The following RFX3 variants were observed in gnomAD, a reference collection of about 807,000 sequenced individuals.
RFX3 encodes transcription factor RFX3.
In RFX3, 14 loss-of-function variants were observed where a neutral mutation model predicts 98.6. The observed-to-expected ratio is 0.14, with a 90% confidence interval of 0.09 to 0.22. The LOEUF (loss-of-function observed/expected upper bound fraction) is 0.22. RFX3 is among the 10% of genes least tolerant of loss of function. The pLI is 1.00. For missense variants in RFX3, 639 were observed against 926.9 expected (o/e 0.69, Z 4.03); for synonymous variants, 383 against 328.4 (o/e 1.17, Z -1.80).
rs116546823 is a variant in RFX3, at chr9:3,333,103, G to C, written c.216-2586C>G. On this transcript the variant is annotated intron_variant, in intron 3 of 16. Coordinates refer to ENST00000617270, the MANE Select transcript of RFX3 (RefSeq NM_001282116.2). Reference sequence around the variant, plus strand: ...CACTTAACACAGTTGCTGGTACATAGCTGGCACACTAATCAGTCAGCAAAT... The same window carrying C: ...CACTTAACACAGTTGCTGGTACATACCTGGCACACTAATCAGTCAGCAAAT... Among the ~76,000 whole-genome samples, 1,126 of 152,216 alleles carry C rather than the reference G, an allele frequency of 7.4e-3. 7 individuals are homozygous for C. The highest frequency in any genetic ancestry group is 0.026 in the African/African-American group (1,065 of 41,536).
intron 13 of RFX3, among the ~76,000 whole-genome samples, chr9:3,261,924 GAT>G (rs1446178001): frequency 6.6e-6 from 1 of 152,104 alleles, no homozygotes; most frequent in Non-Finnish European, 1.5e-5. Flanking sequence ...CTTTTAATGT[GAT>G]TATTGGCCAT....
intron 1 of RFX3, among the ~76,000 whole-genome samples, chr9:3,444,174 C>T (rs144097403): frequency 1.3e-5 from 2 of 152,254 alleles, no homozygotes; most frequent in Non-Finnish European, 2.9e-5. Context: ...TATCTACCAA[C>T]AGGTGAATAT....
intron 14 of RFX3, among the ~76,000 whole-genome samples, chr9:3,248,402 G>C (rs1820957361): frequency 6.6e-6 from 1 of 152,164 alleles, no homozygotes; most frequent in Non-Finnish European, 1.5e-5. Flanking sequence ...CCTTATTCAA[G>C]ATAGATAGTC....
At chr9:3,232,393 C>G (rs1324939792) in intron 15 of RFX3, among the ~76,000 whole-genome samples, 1 of 152,152 alleles carries the variant, frequency 6.6e-6, no homozygotes, top group Non-Finnish European at 1.5e-5. Flanking sequence ...ATCCCTGTCA[C>G]TCTCAGTCAC....
At position 3,514,659 on chromosome 9, in the gene RFX3, C is replaced by T. The variant is rs144840229; in HGVS notation, c.-9+11088G>A. 7.3e-3 allele frequency among the ~76,000 whole-genome samples: 1,109 copies of T among 152,276 alleles called. 9 individuals carry two copies. Among genetic ancestry groups the T allele is most frequent in the Non-Finnish European group, 9.5e-3 (647 of 68,008 alleles). ...AAACAGGGTCTCACTATGTTGCCCACACTAGTCTTGAACTCCTGGGCTCAA... is the reference window on the plus strand; with the variant it reads ...AAACAGGGTCTCACTATGTTGCCCATACTAGTCTTGAACTCCTGGGCTCAA... On this transcript the variant is annotated intron_variant, in intron 1 of 16. Transcript: ENST00000617270.
chr9:3,506,155 G>C (rs558033297), intron 1 of RFX3, among the ~76,000 whole-genome samples: 187 of 150,110 alleles, frequency 1.2e-3, no homozygotes, highest in Middle Eastern at 0.01. Flanking sequence ...GGTATACAAT[G>C]AATATACACT....
chr9:3,341,634 TCAGCA>T (rs1833900263), intron 3 of RFX3, among the ~76,000 whole-genome samples: 1 of 152,200 alleles, frequency 6.6e-6, no homozygotes, highest in African/African-American at 2.4e-5. Flanking sequence ...TTTAATTCAT[TCAGCA>T]AATATAGATT....
rs1485535523 is a variant in RFX3 at position 3,247,111 on chromosome 9, T to C, written c.1968+921A>G. On this transcript the variant is annotated intron_variant, in intron 15 of 16. Coordinates refer to ENST00000617270, the MANE Select transcript of RFX3 (RefSeq NM_001282116.2). ...AGTGAACATGTCTTTTTTACCGCCT[T>C]GGGTAATTTGTCACATTTAATAATC... 4.1e-6 allele frequency: 4 copies of C among 985,210 alleles called. No homozygotes were observed. In the African/African-American group the frequency reaches 7.0e-5, roughly 17 times the overall value. 61.0% of individuals were successfully genotyped at this position (985,210 alleles called of 1,614,324 possible).
chr9:3,261,315 C>T (rs981714521), intron 13 of RFX3, among the ~76,000 whole-genome samples: 7 of 152,184 alleles, frequency 4.6e-5, no homozygotes, highest in Admixed American at 6.5e-5. Flanking sequence ...CTCAATCCCC[C>T]AGGCCTAGGT....
intron 3 of RFX3, among the ~76,000 whole-genome samples, chr9:3,343,402 T>A (rs1834111720): frequency 1.3e-5 from 2 of 152,302 alleles, no homozygotes; most frequent in South Asian, 4.1e-4. Context: ...ACTAACTTGC[T>A]GTTAATTCAG....
intron 1 of RFX3, among the ~76,000 whole-genome samples, chr9:3,406,166 T>C (rs1000281842): frequency 6.6e-6 from 1 of 151,958 alleles, no homozygotes; most frequent in African/African-American, 2.4e-5. Context: ...TTTCACCATG[T>C]TGCCCACCCT....
intron 4 of RFX3, among the ~76,000 whole-genome samples, chr9:3,315,725 C>A (rs1165457262): frequency 1.3e-5 from 2 of 152,048 alleles, no homozygotes; most frequent in East Asian, 3.9e-4. Context: ...TACAAACTAC[C>A]ATCAGAAAAT....
intron 6 of RFX3, among the ~76,000 whole-genome samples, chr9:3,292,100 A>AAAAAAC (rs1827457239): frequency 1.7e-5 from 2 of 120,216 alleles, no homozygotes; most frequent in African/African-American, 6.2e-5. Flanking sequence ...AAAAAAAAAA[A>AAAAAAC]CTCTTTACGA....
At chr9:3,487,203 T>C (rs1850354305) in intron 1 of RFX3, among the ~76,000 whole-genome samples, 1 of 152,178 alleles carries the variant, frequency 6.6e-6, no homozygotes, top group Non-Finnish European at 1.5e-5. Flanking sequence ...TGGAAATTAC[T>C]TTTAACAACC....
In RFX3 at chr9:3,222,479, T is replaced by G. The variant is rs878881343; in HGVS notation, c.*2563A>C. 1.3e-5 allele frequency: 2 copies of G among 152,118 alleles called. No individual in the cohort carries two copies. The highest frequency in any genetic ancestry group is 1.3e-4 in the Admixed American group (2 of 15,270). 9.4% of individuals were successfully genotyped at this position (152,118 alleles called of 1,614,324 possible). On this transcript the variant is annotated 3_prime_UTR_variant, in exon 17 of 17. Transcript: ENST00000617270. ...AGATTCCTGTAATGATACAAATATA[T>G]CCAACATTAAATTAAACAATGATAA...
At chr9:3,504,879 T>TATAATATAACATATATTATATA (rs1816667365) in intron 1 of RFX3, among the ~76,000 whole-genome samples, 2 of 53,184 alleles carry the variant, frequency 3.8e-5, no homozygotes, top group Non-Finnish European at 6.0e-5. Context: ...ATTATATATA[T>TATAATATAACATATATTATATA]TATATATAAT....
chr9:3,324,038 G>C (rs546889804), intron 4 of RFX3: 3 of 455,160 alleles, frequency 6.6e-6, no homozygotes, highest in Non-Finnish European at 1.4e-5. Context: ...TTTAGTGTAG[G>C]AAACAGACGG....
intron 3 of RFX3, among the ~76,000 whole-genome samples, chr9:3,338,966 G>A (rs1203705348): frequency 6.6e-6 from 1 of 152,022 alleles, no homozygotes; most frequent in African/African-American, 2.4e-5. Context: ...GCGTGTGGCT[G>A]CAGTCCCAGC....
chr9:3,506,309 C>A (rs1452518062), intron 1 of RFX3, among the ~76,000 whole-genome samples: 4 of 151,416 alleles, frequency 2.6e-5, no homozygotes, highest in Non-Finnish European at 5.9e-5. Context: ...ATTAAAATAT[C>A]ACAAATGCAA....
Sources: gnomAD v4.1 joint callset for allele counts (sites outside exome capture counted in the v4.1 genomes callset) on GRCh38, gnomAD v4.1.1 for gene constraint, MANE v1.5 for transcripts, NCBI Gene and HGNC (gene_info 2026-07-23, HGNC 2026-07-21) for gene names.